ZHX3: variants seen among roughly 807,000 people sequenced by gnomAD.
ZHX3 encodes zinc fingers and homeoboxes protein 3.
In ZHX3, 20 loss-of-function variants were observed where a neutral mutation model predicts 64.5. The observed-to-expected ratio is 0.31, with a 90% CI of 0.22 to 0.45. The LOEUF (loss-of-function observed/expected upper bound fraction) is 0.45, where lower values mean the gene tolerates loss of function less well. ZHX3 is among the 20% of genes least tolerant of loss of function. ZHX3 has a pLI of 1.00. For synonymous variants in ZHX3, 423 were observed against 461.6 expected, an observed-to-expected ratio of 0.92 and a Z score of 1.07; for missense variants, 1,041 against 1,195.8, an observed-to-expected ratio of 0.87 and a Z score of 1.91.
rs60902041 is a variant in ZHX3, at chr20:41,195,559, G to A, written c.2860+6498C>T. ...GCCTCCCAAGTAGCTGGGATTACAG[G>A]TGCCTGCCACCATGTCCACCTAATT... On this transcript the variant is annotated intron_variant, in intron 3 of 3. Transcript: ENST00000683867. This position sits in a 1 kb window ranked among gnomAD's most constrained non-coding sequence, Gnocchi z 4.2. Among the ~76,000 whole-genome samples, 520 of 152,258 alleles carry A rather than the reference G, an allele frequency of 3.4e-3. 1 individual carries two copies. Among genetic ancestry groups the A allele is most frequent in the African/African-American group, 0.012 (498 of 41,538 alleles).
At chr20:41,276,209 A>T (rs752676452) in intron 1 of ZHX3, among the ~76,000 whole-genome samples, 21 of 152,018 alleles carry the variant, frequency 1.4e-4, no homozygotes, top group Non-Finnish European at 1.9e-4. Flanking sequence ...TTTGTTTTCC[A>T]GTTATCAAGT....
At chr20:41,254,457 CT>C (rs1306944329) in intron 2 of ZHX3, 1 of 152,146 alleles carries the variant, frequency 6.6e-6, no homozygotes, top group African/African-American at 2.4e-5. Flanking sequence ...GAAGTGCTAG[CT>C]GTTATTATGT....
chr20:41,252,416 C>CT (rs1358080172), intron 2 of ZHX3, among the ~76,000 whole-genome samples: 2 of 152,174 alleles, frequency 1.3e-5, no homozygotes, highest in African/African-American at 4.8e-5. Context: ...CCTGTGTTTT[C>CT]TTAATCCATC....
At chr20:41,274,824 T>C (rs73265504) in intron 1 of ZHX3, among the ~76,000 whole-genome samples, 7,794 of 152,196 alleles carry the variant, frequency 0.051, 662 homozygotes, top group African/African-American at 0.18. Flanking sequence ...ATGAAACTCA[T>C]AGTCCAAGGT....
chr20:41,287,244 G>A (rs1419188146), intron 1 of ZHX3, among the ~76,000 whole-genome samples: 1 of 151,958 alleles, frequency 6.6e-6, no homozygotes, highest in Non-Finnish European at 1.5e-5. Flanking sequence ...GTTTAGAGAG[G>A]CCTCCCCTGA....
intron 2 of ZHX3, among the ~76,000 whole-genome samples, chr20:41,249,845 G>C (rs2041901958): frequency 6.6e-6 from 1 of 152,178 alleles, no homozygotes; most frequent in South Asian, 2.1e-4. Context: ...CCCAGGATTG[G>C]AGGAACAACA....
intron 1 of ZHX3, among the ~76,000 whole-genome samples, chr20:41,308,381 T>C (rs1456521194): frequency 6.6e-6 from 1 of 152,190 alleles, no homozygotes. Flanking sequence ...GGAATGCAAC[T>C]GAGGTGCTGC....
At chr20:41,306,693 T>C (rs2044989700) in intron 1 of ZHX3, among the ~76,000 whole-genome samples, 1 of 152,266 alleles carries the variant, frequency 6.6e-6, no homozygotes, top group Non-Finnish European at 1.5e-5. Context: ...CATTGCCAAA[T>C]ATCTTGGCTT....
At chr20:41,196,241 TA>T (rs1245169067) in intron 3 of ZHX3, among the ~76,000 whole-genome samples, 3 of 136,310 alleles carry the variant, frequency 2.2e-5, no homozygotes, top group African/African-American at 8.3e-5. Flanking sequence ...TTCTGTTTCA[TA>T]TGTTTTGGAG....
intron 1 of ZHX3, among the ~76,000 whole-genome samples, chr20:41,294,365 T>G (rs1463143325): frequency 6.6e-6 from 1 of 152,174 alleles, no homozygotes; most frequent in Non-Finnish European, 1.5e-5. Context: ...AATAGTTTGT[T>G]GTTGTTGCTG....
At chr20:41,223,928 C>A (rs930007100) in intron 2 of ZHX3, among the ~76,000 whole-genome samples, 3 of 152,134 alleles carry the variant, frequency 2.0e-5, no homozygotes, top group African/African-American at 7.2e-5. Context: ...TACAGATGAG[C>A]TTTTGGTGTA....
chr20:41,214,263 T>G (rs2039366187), intron 2 of ZHX3, among the ~76,000 whole-genome samples: 1 of 152,154 alleles, frequency 6.6e-6, no homozygotes, highest in Non-Finnish European at 1.5e-5. Flanking sequence ...TTGTTGGAAG[T>G]GCTTTTATAC....
At chr20:41,235,806 A>C (rs1027143098) in intron 2 of ZHX3, among the ~76,000 whole-genome samples, 1 of 152,206 alleles carries the variant, frequency 6.6e-6, no homozygotes, top group African/African-American at 2.4e-5. Flanking sequence ...AAGGGTATTC[A>C]ATTAGGAAAA....
intron 3 of ZHX3, among the ~76,000 whole-genome samples, chr20:41,187,323 CAAAAAAAA>C (rs57588943): frequency 1.8e-3 from 142 of 77,454 alleles, no homozygotes; most frequent in Middle Eastern, 0.013. Flanking sequence ...GAACCTGTCT[CAAAAAAAA>C]AAAAAAAAAA....
chr20:41,279,542 T>C (rs1354326886), intron 1 of ZHX3, among the ~76,000 whole-genome samples: 1 of 152,184 alleles, frequency 6.6e-6, no homozygotes, highest in Non-Finnish European at 1.5e-5. Flanking sequence ...CAAAAAGTAT[T>C]TGAGGACTTC....
intron 2 of ZHX3, among the ~76,000 whole-genome samples, chr20:41,225,277 T>C (rs1211501964): frequency 6.6e-6 from 1 of 152,212 alleles, no homozygotes; most frequent in Non-Finnish European, 1.5e-5. Flanking sequence ...GCATGCTGTC[T>C]GATATACAGG....
rs899267055 is a variant in ZHX3 at position 41,195,484 on chromosome 20, C to A, written c.2860+6573G>T. On this transcript the variant is annotated intron_variant, in intron 3 of 3. Transcript: ENST00000683867. The surrounding 1 kb of genome is among the most constrained non-coding windows in gnomAD (Gnocchi z 4.2). Reference sequence around the variant, plus strand: ...AGGCTGGAGTGCAATGGTGCGGTCTCAGTTCACTGCAACCTCTGCCTCCTG... The same window carrying A: ...AGGCTGGAGTGCAATGGTGCGGTCTAAGTTCACTGCAACCTCTGCCTCCTG... Among the ~76,000 whole-genome samples the A allele has an allele frequency of 2.6e-5, 4 of 152,284 alleles. No individual in the cohort carries two copies. The East Asian group carries it at 7.7e-4, about 29-fold the overall frequency.
intron 1 of ZHX3, among the ~76,000 whole-genome samples, chr20:41,298,304 T>G (rs2044639337): frequency 6.6e-6 from 1 of 152,096 alleles, no homozygotes; most frequent in Admixed American, 6.5e-5. Flanking sequence ...AATAACACTA[T>G]CCACTATTAA....
intron 3 of ZHX3, among the ~76,000 whole-genome samples, chr20:41,192,660 G>A (rs1188332249): frequency 2.0e-5 from 3 of 152,236 alleles, no homozygotes; most frequent in Non-Finnish European, 4.4e-5. Context: ...CAGCTCTGGG[G>A]AAAACAGTCT....
Sources: gnomAD v4.1 joint callset for allele counts (sites outside exome capture counted in the v4.1 genomes callset) on GRCh38, gnomAD v4.1.1 for gene constraint, Gnocchi (gnomAD v3.1) non-coding constraint, MANE v1.5 for transcripts, NCBI Gene and HGNC (gene_info 2026-07-23, HGNC 2026-07-21) for gene names.